The following RASSF3 variants were observed in gnomAD, a reference collection of about 807,000 sequenced individuals.
The protein encoded by RASSF3 is Ras association domain family member 3, also known as ras association domain-containing protein 3.
A neutral mutation model predicts 19.9 loss-of-function variants in RASSF3; 19 were observed. The ratio of observed to expected loss-of-function variants is 0.96; its 90% confidence interval spans 0.67 to 1.40. The LOEUF is 1.40. RASSF3 is among the 40% of genes most tolerant of loss of function. RASSF3 has a pLI of 0.00. For missense variants in RASSF3, 306 were observed against 289.8 expected (o/e 1.06, Z -0.41); for synonymous variants, 110 against 104.2 (o/e 1.06, Z -0.34).
chr12:64,609,394 C>T (rs567477799), upstream of RASSF3: 10 of 152,300 alleles, frequency 6.6e-5, no homozygotes, highest in South Asian at 2.1e-3. Flanking sequence ...GAGAGTTTGG[C>T]TAGTTTGGCT....
At chr12:64,622,011 G>C (rs1413491204) in intron 1 of RASSF3, among the ~76,000 whole-genome samples, 1 of 151,988 alleles carries the variant, frequency 6.6e-6, no homozygotes, top group Non-Finnish European at 1.5e-5. Context: ...TAAATTTAGG[G>C]CTTGTTTTCC....
intron 2 of RASSF3, among the ~76,000 whole-genome samples, chr12:64,578,490 C>G (rs768929039): frequency 5.3e-5 from 8 of 151,888 alleles, no homozygotes; most frequent in Non-Finnish European, 8.8e-5. Flanking sequence ...CCTGTCTCTA[C>G]AAAAAATGAA....
chr12:64,609,850 C>A (rs183061248), upstream of RASSF3, among the ~76,000 whole-genome samples: 1 of 152,316 alleles, frequency 6.6e-6, no homozygotes, highest in African/African-American at 2.4e-5. Flanking sequence ...TGGAAGTGAG[C>A]CCTCGCTAGA....
intron 2 of RASSF3, among the ~76,000 whole-genome samples, chr12:64,556,836 T>C (rs1429524848): frequency 2.7e-5 from 1 of 37,508 alleles, no homozygotes; most frequent in African/African-American, 6.1e-5. Context: ...CCCTACCCCT[T>C]TTTTTTTTTT....
intron 2 of RASSF3, among the ~76,000 whole-genome samples, chr12:64,554,157 C>T (rs1869213483): frequency 6.6e-6 from 1 of 152,314 alleles, no homozygotes. Flanking sequence ...TCTTTCTCTT[C>T]TCTGGGTCAC....
chr12:64,561,066 C>T (rs927116127), intron 2 of RASSF3, among the ~76,000 whole-genome samples: 2 of 152,222 alleles, frequency 1.3e-5, no homozygotes, highest in African/African-American at 4.8e-5. Flanking sequence ...CATTGGCTAG[C>T]AGCAGCTTGT....
At chr12:64,617,913 C>T (rs192708795) in intron 1 of RASSF3, among the ~76,000 whole-genome samples, 10 of 152,242 alleles carry the variant, frequency 6.6e-5, no homozygotes, top group East Asian at 3.9e-4. Context: ...TCCTGTTTTA[C>T]GTCCCTGTGT....
rs546208943 is a variant in RASSF3 at position 64,520,199 on chromosome 12, C to T, written c.169+12870C>T. The stretch of plus-strand genomic sequence containing the variant: ...TTTTTTTTTTTTTGAGATGGAGTCT[C>T]GCTCTGTTGCCCAGGCTGGAGTGCA... On this transcript the variant is annotated intron_variant, in intron 1 of 5. Transcript: ENST00000637125. Among the ~76,000 whole-genome samples the T allele has an allele frequency of 5.6e-5, 8 of 143,166 alleles. No homozygotes were observed. In the East Asian group the frequency reaches 8.2e-4, roughly 15 times the overall value. The allele number at this position is 143,166 out of a possible 152,430, so 93.9% of individuals were successfully genotyped here.
intron 1 of RASSF3, among the ~76,000 whole-genome samples, chr12:64,612,556 A>T (rs775211683): frequency 1.3e-5 from 2 of 150,004 alleles, no homozygotes; most frequent in Admixed American, 6.7e-5. Flanking sequence ...TCTCACTGCA[A>T]CCTCAGCTTC....
At chr12:64,652,911 C>A (rs1795622) in intron 1 of RASSF3, among the ~76,000 whole-genome samples, 43,134 of 152,100 alleles carry the variant, frequency 0.28, 6,629 homozygotes, top group Non-Finnish European at 0.36. Context: ...TCTCACAGCT[C>A]TGGGGGCTAT....
intron 1 of RASSF3, chr12:64,622,432 C>A: frequency 1.9e-6 from 1 of 516,440 alleles, no homozygotes; most frequent in Non-Finnish European, 3.9e-6. Flanking sequence ...GAAACCTTAC[C>A]CACCAAAGAT....
rs528141830 is a variant in RASSF3, at chr12:64,515,062, T to A, written c.169+7733T>A. On this transcript the variant is annotated intron_variant, in intron 1 of 5. Transcript: ENST00000637125. ...TATTTATCATTTATTTATTTTTATT[T>A]ATTTTTTTCTTTGAGACAAAGTCTT... 4.7e-4 allele frequency among the ~76,000 whole-genome samples: 72 copies of A among 152,098 alleles called. 1 individual carries two copies. The highest frequency in any genetic ancestry group is 1.7e-3 in the African/African-American group (70 of 41,540).
chr12:64,609,485 C>A (rs1434641524), upstream of RASSF3: 2 of 152,128 alleles, frequency 1.3e-5, no homozygotes, highest in African/African-American at 4.8e-5. Flanking sequence ...CTAACTATAG[C>A]AGGGCTTGCA....
chr12:64,636,342 G>A (rs12830436), intron 1 of RASSF3, among the ~76,000 whole-genome samples: 18,765 of 151,770 alleles, frequency 0.12, 1,306 homozygotes, highest in East Asian at 0.29. Context: ...TTGGATTCCC[G>A]ACCTCAGGCT....
At chr12:64,628,426 A>C (rs1490882813) in intron 1 of RASSF3, 1 of 152,240 alleles carries the variant, frequency 6.6e-6, no homozygotes, top group Non-Finnish European at 1.5e-5. Flanking sequence ...TACTTCCTGG[A>C]AGAATCAGTA....
chr12:64,614,133 CTTTT>C (rs578071131), intron 1 of RASSF3, among the ~76,000 whole-genome samples: 2 of 130,046 alleles, frequency 1.5e-5, no homozygotes, highest in Non-Finnish European at 3.3e-5. Flanking sequence ...TTTACCATTT[CTTTT>C]TTTTTTTTTT....
At chr12:64,631,645 C>T (rs1871172139) in intron 1 of RASSF3, among the ~76,000 whole-genome samples, 1 of 152,096 alleles carries the variant, frequency 6.6e-6, no homozygotes, top group Non-Finnish European at 1.5e-5. Context: ...AATCTCTGCT[C>T]ACTGCAACCT....
At chr12:64,599,557 G>A (rs566804250) in intron 2 of RASSF3, among the ~76,000 whole-genome samples, 1 of 152,298 alleles carries the variant, frequency 6.6e-6, no homozygotes, top group Admixed American at 6.5e-5. Context: ...TTCCTCTGAA[G>A]TTGTCTGACA....
chr12:64,614,512 G>A (rs1298795176), intron 1 of RASSF3, among the ~76,000 whole-genome samples: 1 of 152,058 alleles, frequency 6.6e-6, no homozygotes, highest in Non-Finnish European at 1.5e-5. Context: ...AAAGGGGGAG[G>A]TATTATTTAG....
Sources: allele counts gnomAD v4.1 joint callset (sites outside exome capture counted in the v4.1 genomes callset), GRCh38; gene constraint gnomAD v4.1.1; transcripts MANE v1.5; gene names NCBI Gene and HGNC (gene_info 2026-07-23, HGNC 2026-07-21).